The following DNAH6 variants were observed in gnomAD, a reference collection of about 807,000 sequenced individuals.
DNAH6 encodes axonemal beta dynein heavy chain 6.
In DNAH6, 340 loss-of-function variants were observed where a neutral mutation model predicts 491.4. That is an observed-to-expected ratio of 0.69 (90% CI 0.63 to 0.76). The LOEUF is 0.76. Among genes scored for constraint, DNAH6 ranks in the 30% least tolerant of loss-of-function variants. The pLI is 0.00. For missense variants in DNAH6, 4,443 were observed against 4,972.2 expected, an observed-to-expected ratio of 0.89 and a Z score of 3.20; for synonymous variants, 1,603 against 1,686.1, an observed-to-expected ratio of 0.95 and a Z score of 1.21.
chr2:84,805,723 C>G lies in DNAH6; in HGVS notation c.11540C>G (p.Thr3847Ser). 1 of 1,551,722 alleles carries G rather than the reference C, an allele frequency of 6.4e-7. No homozygotes were observed. The highest frequency in any genetic ancestry group is 8.7e-7 in the Non-Finnish European group (1 of 1,146,932). Residue 3847 changes from threonine to serine, a missense_variant, in exon 71 of 77, where the codon ACT (threonine) becomes AGT (serine). Transcript: ENST00000389394. The part of the protein sequence containing the change: ...TILEVQPRSS[T>S]GGEGKSNDEI... ...CTTGAGGTTCAGCCAAGGTCATCTA[C>G]TGGTGGAGAGGGAAAAAGCAATGAC... is the stretch of plus-strand genomic sequence containing the variant.
chr2:84,499,482 T>TGCTG, the DNAH6 span, among the ~76,000 whole-genome samples: 1 of 152,228 alleles, frequency 6.6e-6, no homozygotes, highest in Non-Finnish European at 1.5e-5. Context: ...TTATCTATTG[T>TGCTG]AAACAGTGCT....
chr2:84,707,623 T>C lies in DNAH6; in HGVS notation c.8955T>C (p.Phe2985=), dbSNP rs1165498274. ...QVRWEESIQK[F]EEEISNITGN... ...GATGGGAAGAAAGCATACAGAAGTTTGAGGAAGAAATATCAAATATCACTG... is the reference window on the plus strand; with the variant it reads ...GATGGGAAGAAAGCATACAGAAGTTCGAGGAAGAAATATCAAATATCACTG... Residue 2985 remains phenylalanine, a synonymous_variant, in exon 54 of 77, where the codon TTT becomes TTC. Transcript: ENST00000389394. 5 of 1,552,246 alleles carry C rather than the reference T, an allele frequency of 3.2e-6. No homozygotes were observed. Among genetic ancestry groups the C allele is most frequent in the East Asian group, 4.9e-5 (2 of 40,924 alleles).
intron 37 of DNAH6, among the ~76,000 whole-genome samples, chr2:84,666,576 C>G (rs1207858630): frequency 6.6e-6 from 1 of 152,130 alleles, no homozygotes; most frequent in Non-Finnish European, 1.5e-5. Flanking sequence ...AGGAGAACTA[C>G]AAATCACTGC....
chr2:84,609,302 G>A (rs1686084427), intron 21 of DNAH6, among the ~76,000 whole-genome samples: 1 of 152,134 alleles, frequency 6.6e-6, no homozygotes. Context: ...ATTGTTTGGT[G>A]CAAGAGGCTA....
chr2:84,802,829 A>G (rs888079010), intron 70 of DNAH6, among the ~76,000 whole-genome samples: 1 of 152,208 alleles, frequency 6.6e-6, no homozygotes, highest in Non-Finnish European at 1.5e-5. Flanking sequence ...AGTCTCAACA[A>G]ATTTAAAAAA....
intron 41 of DNAH6, among the ~76,000 whole-genome samples, chr2:84,678,520 A>C (rs1156486570): frequency 6.6e-6 from 1 of 152,156 alleles, no homozygotes; most frequent in Non-Finnish European, 1.5e-5. Context: ...ATTTTTTATT[A>C]AGTTAAAGCA....
intron 70 of DNAH6, among the ~76,000 whole-genome samples, chr2:84,803,073 A>C (rs1679078569): frequency 6.6e-6 from 1 of 152,246 alleles, no homozygotes; most frequent in African/African-American, 2.4e-5. Context: ...TGTTAAGGGG[A>C]AAGTGTATAA....
At chr2:84,738,266 G>C (rs1029097943) in intron 62 of DNAH6, among the ~76,000 whole-genome samples, 3 of 152,104 alleles carry the variant, frequency 2.0e-5, no homozygotes, top group African/African-American at 7.2e-5. Flanking sequence ...TTATGACCAA[G>C]CATGTGGTCA....
chr2:84,555,153 A>G lies in DNAH6; in HGVS notation c.1602+2119A>G, dbSNP rs369256330. On this transcript the variant is annotated intron_variant, in intron 10 of 76. Coordinates refer to ENST00000389394, the MANE Select transcript of DNAH6 (RefSeq NM_001370.2). ...GCCTTAATCATTCCCAATGATTCCA[A>G]GCACACATACACATAGAGATTAATC... Among the ~76,000 whole-genome samples, 5 of 152,210 alleles carry G rather than the reference A, an allele frequency of 3.3e-5. No homozygotes were observed. The East Asian group carries it at 5.8e-4, about 18-fold the overall frequency.
the DNAH6 span, among the ~76,000 whole-genome samples, chr2:84,488,517 A>G: frequency 6.6e-6 from 1 of 152,048 alleles, no homozygotes; most frequent in East Asian, 1.9e-4. Context: ...TATTTTTTCC[A>G]ATTTCTAGAG....
At chr2:84,534,293 A>G (rs1446233239) in intron 4 of DNAH6, among the ~76,000 whole-genome samples, 1 of 152,084 alleles carries the variant, frequency 6.6e-6, no homozygotes, top group Non-Finnish European at 1.5e-5. Context: ...TCGCTCAGAA[A>G]TTTACCATGG....
the DNAH6 span, among the ~76,000 whole-genome samples, chr2:84,482,760 T>A: frequency 1.1e-4 from 16 of 152,208 alleles, no homozygotes; most frequent in African/African-American, 3.6e-4. Context: ...AACTCGTTCT[T>A]ATTGTTGAAG....
rs762451303 is a variant in DNAH6 at position 84,579,533 on chromosome 2, A to G, written c.2083A>G (p.Asn695Asp). ...CACGGTGTTTCTTTCTTAGGTGCTA[A>G]ATTTTATGCTTCCTCGTCAAAGCAA... ...PSPLRCLEVL[N>D]FMLPRQSKKK... The change falls in exon 14 of 77, where the codon AAT becomes GAT. Residue 695 changes from asparagine (N) to aspartate (D), a missense_variant. This residue lies in a region of DNAH6 where 2,977 missense variants were observed against 3,296.6 expected (regional missense o/e 0.90). Transcript: ENST00000389394. 12 of 1,613,606 alleles carry G rather than the reference A, an allele frequency of 7.4e-6. No individual in the cohort carries two copies. In the African/African-American group the frequency reaches 1.2e-4, roughly 16 times the overall value.
intron 11 of DNAH6, among the ~76,000 whole-genome samples, chr2:84,562,980 C>T (rs931944849): frequency 2.0e-5 from 3 of 152,196 alleles, no homozygotes; most frequent in East Asian, 1.9e-4. Flanking sequence ...ATCATGGGGG[C>T]GGGTTTTCCC....
At chr2:84,787,711 T>C (rs1677344245) in intron 68 of DNAH6, among the ~76,000 whole-genome samples, 1 of 152,180 alleles carries the variant, frequency 6.6e-6, no homozygotes, top group African/African-American at 2.4e-5. Flanking sequence ...ACCCAAACAG[T>C]GTAGCCTCCA....
rs752487962 is a variant in DNAH6, at chr2:84,577,359, C to A, written c.2027C>A (p.Thr676Asn). Residue 676 changes from threonine to asparagine, a missense_variant, in exon 13 of 77, where the codon ACT becomes AAT. Coordinates refer to ENST00000389394, the MANE Select transcript of DNAH6 (RefSeq NM_001370.2). ...AATGTAGGATTGCTGCTCATTGATA[C>A]TAGGCTTCTAAGAGAAAAATTAATT... ...TRNVGLLLID[T>N]RLLREKLIPS... The A allele has an allele frequency of 6.2e-7, 1 of 1,611,556 alleles. No individual in the cohort carries two copies. The highest frequency in any genetic ancestry group is 8.5e-7 in the Non-Finnish European group (1 of 1,178,672).
rs1395338032 is a variant in DNAH6 at position 84,672,373 on chromosome 2, C to T, written c.6501C>T (p.Asn2167=). The T allele has an allele frequency of 6.4e-7, 1 of 1,551,402 alleles. No individual in the cohort carries two copies. The highest frequency in any genetic ancestry group is 8.7e-7 in the Non-Finnish European group (1 of 1,146,758). ...KRIVIFVDDL[N]MPRLDRYGSQ... ...TTGTGATTTTTGTTGATGATTTAAA[C>T]ATGCCCAGACTGGATCGCTATGGCT... Residue 2167 remains asparagine (N), a synonymous_variant, in exon 40 of 77, where the codon AAC becomes AAT. Transcript: ENST00000389394.
At position 84,701,151 on chromosome 2, in the gene DNAH6, G is replaced by A; in HGVS notation, c.7873G>A (p.Ala2625Thr). 3.2e-6 allele frequency: 5 copies of A among 1,551,838 alleles called. No homozygotes were observed. In the South Asian group the frequency reaches 3.6e-5, roughly 11 times the overall value. ...AAAGACATTTTTCTCACAAGTCGAT[G>A]CTGGAAATGAAGAACTGAAAGAAAA... is the stretch of plus-strand genomic sequence containing the variant. ...VSKTFFSQVD[A>T]GNEELKEKLP... Residue 2625 changes from alanine to threonine, a missense_variant, in exon 49 of 77, where the codon GCT becomes ACT. Physicochemically the swap from Ala to Thr is moderately conservative, Grantham distance 58. This residue lies in a region of DNAH6 where 2,977 missense variants were observed against 3,296.6 expected (regional missense o/e 0.90). Transcript: ENST00000389394.
intron 2 of DNAH6, among the ~76,000 whole-genome samples, chr2:84,519,783 T>G (rs1675970526): frequency 6.6e-6 from 1 of 152,030 alleles, no homozygotes; most frequent in Non-Finnish European, 1.5e-5. Flanking sequence ...CTATGCCATC[T>G]AACATTGATG....
Sources: allele counts gnomAD v4.1 joint callset (sites outside exome capture counted in the v4.1 genomes callset), GRCh38; gene constraint gnomAD v4.1.1; regional missense constraint gnomAD v4.1.1; transcripts MANE v1.5; gene names NCBI Gene and HGNC (gene_info 2026-07-23, HGNC 2026-07-21).